TACR2: variants seen among roughly 807,000 people sequenced by gnomAD.
TACR2 encodes tachykinin receptor 2, also known as substance-K receptor.
TACR2 carries 24 observed loss-of-function variants against 28.9 expected under a neutral mutation model. The ratio of observed to expected loss-of-function variants is 0.83; its 90% CI spans 0.60 to 1.17. TACR2 has a LOEUF of 1.17. Among genes scored for constraint, TACR2 ranks in the 50% most tolerant of loss-of-function variants. The pLI is 0.00. For missense variants in TACR2, 487 were observed against 524.4 expected (o/e 0.93, Z 0.70); for synonymous variants, 222 against 212.6 (o/e 1.04, Z -0.38).
At chr10:69,406,063 A>G (rs766905919) in intron 4 of TACR2, among the ~76,000 whole-genome samples, 2 of 152,178 alleles carry the variant, frequency 1.3e-5, no homozygotes, top group African/African-American at 4.8e-5. Flanking sequence ...GGCCTCCTGC[A>G]AAAAATCATA....
In TACR2 at chr10:69,409,187, A is replaced by G. The variant is rs115327460; in HGVS notation, c.588-112T>C. On this transcript the variant is annotated intron_variant, in intron 2 of 4. Coordinates refer to ENST00000373306, the MANE Select transcript of TACR2 (RefSeq NM_001057.3). The stretch of plus-strand genomic sequence containing the variant: ...ACTGTGGAGCCGCCCCTGCGGGCCC[A>G]CCCTGGGCGCCTCCCAGGGACTTGG... 3.7e-3 allele frequency: 4,381 copies of G among 1,186,550 alleles called. 150 individuals carry two copies. The African/African-American group carries it at 0.063, about 17-fold the overall frequency. 73.5% of individuals were successfully genotyped at this position (1,186,550 alleles called of 1,614,324 possible).
At chr10:69,406,049 T>C (rs1488590660) in intron 4 of TACR2, among the ~76,000 whole-genome samples, 3 of 152,162 alleles carry the variant, frequency 2.0e-5, no homozygotes, top group Non-Finnish European at 4.4e-5. Flanking sequence ...AGATAGAGAG[T>C]TCTGGCCTCC....
At chr10:69,412,238 T>C (rs953967114) in intron 2 of TACR2, among the ~76,000 whole-genome samples, 1 of 152,236 alleles carries the variant, frequency 6.6e-6, no homozygotes, top group South Asian at 2.1e-4. Context: ...GCAGGCAAGG[T>C]GAACCCACTG....
chr10:69,409,125 GAA>G, intron 2 of TACR2, 50 bp from the exon 3 acceptor site: 1 of 1,467,332 alleles, frequency 6.8e-7, no homozygotes, highest in Non-Finnish European at 9.0e-7. Context: ...GGGCGACTCC[GAA>G]GTCTGCCAGC....
At position 69,404,878 on chromosome 10, in the gene TACR2, AGCCC is replaced by A; in HGVS notation, c.1141_1144del (p.Gly381TyrfsTer29). 6.2e-7 allele frequency: 1 copy of A among 1,608,316 alleles called. No individual in the cohort carries two copies. Among genetic ancestry groups the A allele is most frequent in the Non-Finnish European group, 8.5e-7 (1 of 1,176,516 alleles). ...GGCAAGCAAACCATACCCAAACCATAGCCCTGATCCATCCTGGGGACGCCCCGCC... is the reference window on the plus strand; with the variant it reads ...GGCAAGCAAACCATACCCAAACCATATGATCCATCCTGGGGACGCCCCGCC... On this transcript the variant is annotated frameshift_variant, in exon 5 of 5. Transcript: ENST00000373306. LOFTEE classifies it high-confidence loss of function.
At chr10:69,410,174 C>G (rs1310616751) in intron 2 of TACR2, among the ~76,000 whole-genome samples, 1 of 151,736 alleles carries the variant, frequency 6.6e-6, no homozygotes. Flanking sequence ...CTTCCTACCC[C>G]GTCCCCAGGG....
intron 2 of TACR2, among the ~76,000 whole-genome samples, chr10:69,413,233 C>G (rs999310020): frequency 2.6e-5 from 4 of 152,134 alleles, no homozygotes; most frequent in Non-Finnish European, 5.9e-5. Context: ...TAGGCTCTCC[C>G]CCAAGAAAAA....
chr10:69,406,249 ACCTCTTGCCGCCCCTTATTTGC>A (rs1181820274), intron 4 of TACR2, among the ~76,000 whole-genome samples: 1 of 151,896 alleles, frequency 6.6e-6, no homozygotes, highest in African/African-American at 2.4e-5. Context: ...GACTGTGTCC[ACCTCTTGCCGCCCCTTATTTGC>A]CCCACCTTCA....
chr10:69,411,663 C>T (rs2133009524), intron 2 of TACR2, among the ~76,000 whole-genome samples: 1 of 152,138 alleles, frequency 6.6e-6, no homozygotes, highest in South Asian at 2.1e-4. Flanking sequence ...TAATCTGACT[C>T]AACCAGTTCT....
At chr10:69,409,853 GTATATGTATATGTATATATATA>G in intron 2 of TACR2, among the ~76,000 whole-genome samples, 1 of 97,592 alleles carries the variant, frequency 1.0e-5, no homozygotes, top group Admixed American at 1.3e-4. Context: ...ATACGTATAT[GTATATGTATATGTATATATATA>G]TATATACATA....
chr10:69,406,462 C>T (rs1589601942), intron 4 of TACR2, among the ~76,000 whole-genome samples: 1 of 152,116 alleles, frequency 6.6e-6, no homozygotes, highest in Admixed American at 6.5e-5. Flanking sequence ...GAGATTCTGG[C>T]CCCCTCCTTC....
At chr10:69,407,876 C>G (rs1330748719) in intron 3 of TACR2, among the ~76,000 whole-genome samples, 1 of 152,244 alleles carries the variant, frequency 6.6e-6, no homozygotes, top group African/African-American at 2.4e-5. Flanking sequence ...GCACCCTGAT[C>G]CTCACGTAGG....
At chr10:69,415,219 C>T in intron 1 of TACR2, 80 bp from the exon 2 acceptor site, 1 of 1,456,210 alleles carries the variant, frequency 6.9e-7, no homozygotes, top group Non-Finnish European at 9.3e-7. Context: ...TCTCTCCCAA[C>T]CCAGGCCCAC....
chr10:69,407,261 A>AGC lies in TACR2; in HGVS notation c.759_760dup (p.Leu254ArgfsTer5). The AGC allele has an allele frequency of 6.2e-7, 1 of 1,612,942 alleles. No individual in the cohort carries two copies. Among genetic ancestry groups the AGC allele is most frequent in the Non-Finnish European group, 8.5e-7 (1 of 1,179,418 alleles). ...GCAGATGGCAAACGTCAGCACCACC[A>AGC]GCACCATGGTCTTCACAAACTGGTC... On this transcript the variant is annotated frameshift_variant, in exon 4 of 5. Transcript: ENST00000373306. LOFTEE classifies it high-confidence loss of function.
chr10:69,407,105 A>G lies in TACR2; in HGVS notation c.917T>C (p.Ile306Thr). The G allele has an allele frequency of 1.2e-6, 2 of 1,613,768 alleles. No individual in the cohort carries two copies. The highest frequency in any genetic ancestry group is 1.1e-5 in the South Asian group (1 of 91,042). The change falls in exon 4 of 5, where the codon ATC (isoleucine) becomes ACC (threonine). Residue 306 changes from isoleucine (I) to threonine (T), a missense_variant. By Grantham distance (89) the Ile-to-Thr change is moderately conservative (BLOSUM62 -1). Transcript: ENST00000373306. ...TCACCTGTGGTTGAGACAGCAGTAGATGATGGGATTGTACATGGTAGAGCT... is the reference window on the plus strand; with the variant it reads ...TCACCTGTGGTTGAGACAGCAGTAGGTGATGGGATTGTACATGGTAGAGCT... ...AMSSTMYNPI[I>T]YCCLNHRFRS...
Position 69,409,921 on chromosome 10 carries a change from A to ATATACATATATATATATG in TACR2, c.588-847_588-846insCATATATATATATGTATA, listed in dbSNP as rs1589603239. Among the ~76,000 whole-genome samples the ATATACATATATATATATG allele has an allele frequency of 6.9e-5, 6 of 87,070 alleles. No homozygotes were observed. In the East Asian group the frequency reaches 1.9e-3, roughly 27 times the overall value. 57.1% of individuals were successfully genotyped at this position (87,070 alleles called of 152,430 possible). ...TATATATACATATATATATATATAT[A>ATATACATATATATATATG]TATATATATATATATATATATAATC... On this transcript the variant is annotated intron_variant, in intron 2 of 4. Transcript: ENST00000373306.
At chr10:69,409,638 G>A (rs752436519) in intron 2 of TACR2, among the ~76,000 whole-genome samples, 2 of 151,750 alleles carry the variant, frequency 1.3e-5, no homozygotes, top group African/African-American at 2.4e-5. Flanking sequence ...TTTAATTACA[G>A]TATATTGTTA....
chr10:69,416,291 A>G lies in TACR2; in HGVS notation c.33T>C (p.Asn11=). The G allele has an allele frequency of 6.2e-7, 1 of 1,603,606 alleles. No homozygotes were observed. Among genetic ancestry groups the G allele is most frequent in the Non-Finnish European group, 8.5e-7 (1 of 1,172,434 alleles). The change falls in exon 1 of 5, where the codon AAT becomes AAC. Residue 11 remains asparagine (N), a synonymous_variant. Transcript: ENST00000373306. MGTCDIVTEA[N]ISSGPESNTT... ...TGTTGCTCTCAGGGCCAGATGAGAT[A>G]TTGGCTTCAGTCACAATGTCACAGG...
chr10:69,414,685 A>G (rs1232234275), intron 2 of TACR2, among the ~76,000 whole-genome samples: 1 of 152,206 alleles, frequency 6.6e-6, no homozygotes, highest in Admixed American at 6.5e-5. Flanking sequence ...GAATAATAAT[A>G]TAATATATAT....
Sources: gnomAD v4.1 joint callset for allele counts (sites outside exome capture counted in the v4.1 genomes callset) on GRCh38, gnomAD v4.1.1 for gene constraint, MANE v1.5 for transcripts, NCBI Gene and HGNC (gene_info 2026-07-23, HGNC 2026-07-21) for gene names.